Variants in TRPM4 observed in about 807,000 individuals in gnomAD.
TRPM4 encodes calcium-activated non-selective cation channel 1.
In TRPM4, 124 loss-of-function variants were observed where a neutral mutation model predicts 135.6. That is an observed-to-expected ratio of 0.91 (90% CI 0.79 to 1.06). TRPM4 has a LOEUF of 1.06. Ranked by LOEUF, TRPM4 falls within the 50% of genes least tolerant of loss-of-function variation. TRPM4 has a pLI of 0.00. For missense variants in TRPM4, 1,658 were observed against 1,671.4 expected (o/e 0.99, Z 0.14); for synonymous variants, 745 against 705.6 (o/e 1.06, Z -0.88).
chr19:49,200,758 G>C lies in TRPM4; in HGVS notation c.2926G>C (p.Gly976Arg). 6.2e-7 allele frequency: 1 copy of C among 1,614,002 alleles called. No homozygotes were observed. Among genetic ancestry groups the C allele is most frequent in the East Asian group, 2.2e-5 (1 of 44,864 alleles). The change falls in exon 19 of 25, where the codon GGG becomes CGG. Residue 976 changes from glycine to arginine, a missense_variant. Around this residue, in one of 3 missense-constraint regions of TRPM4, gnomAD observed 1,412 missense variants for 1,408.7 expected, o/e 1.00. Transcript: ENST00000252826. ...VFYRPYLQIFGQIPQEDMDVA... is the reference protein window; with the variant it reads ...VFYRPYLQIFRQIPQEDMDVA... The stretch of plus-strand genomic sequence containing the variant: ...CTACCGTCCCTACCTGCAGATCTTC[G>C]GGCAGATTCCCCAGGAGGACATGGA...
chr19:49,164,963 G>T (rs1052492960), intron 2 of TRPM4, among the ~76,000 whole-genome samples: 1 of 148,714 alleles, frequency 6.7e-6, no homozygotes, highest in Non-Finnish European at 1.5e-5. Flanking sequence ...AGCTGGTCTC[G>T]AACTCCTGGG....
chr19:49,161,086 G>T lies in TRPM4; in HGVS notation c.92+2827G>T, dbSNP rs548712986. Reference sequence around the variant, plus strand: ...TCTGTGCATATGAGCGGCCTAGGGGGACCGAGGGGCATGTGGGGACTGAGA... The same window carrying T: ...TCTGTGCATATGAGCGGCCTAGGGGTACCGAGGGGCATGTGGGGACTGAGA... On this transcript the variant is annotated intron_variant, in intron 2 of 24. Coordinates refer to ENST00000252826, the MANE Select transcript of TRPM4 (RefSeq NM_017636.4). 9.2e-5 allele frequency among the ~76,000 whole-genome samples: 14 copies of T among 152,122 alleles called. No individual in the cohort carries two copies. The South Asian group carries it at 2.9e-3, about 32-fold the overall frequency.
At chr19:49,191,907 G>GT (rs1465325887) in intron 16 of TRPM4, among the ~76,000 whole-genome samples, 1 of 152,174 alleles carries the variant, frequency 6.6e-6, no homozygotes, top group Non-Finnish European at 1.5e-5. Context: ...CCAAGCTCAA[G>GT]ACTTGGCTCA....
rs531754573 is a variant in TRPM4, at chr19:49,198,538, C to G, written c.2645+1664C>G. Among the ~76,000 whole-genome samples the G allele has an allele frequency of 6.6e-5, 10 of 151,178 alleles. No homozygotes were observed. The East Asian group carries it at 2.0e-3, about 30-fold the overall frequency. ...TGGCAGGCGCCTGTAATCCCAGCTA[C>G]TCGGGAGGCTGAGGCAGGATAATTG... On this transcript the variant is annotated intron_variant, in intron 17 of 24. Coordinates refer to ENST00000252826, the MANE Select transcript of TRPM4 (RefSeq NM_017636.4).
intron 9 of TRPM4, among the ~76,000 whole-genome samples, chr19:49,176,124 A>AT (rs900914238): frequency 1.4e-5 from 2 of 142,804 alleles, no homozygotes; most frequent in African/African-American, 5.3e-5. Flanking sequence ...GGGTTTCGCC[A>AT]TGTTGGCCAG....
chr19:49,182,684 C>G lies in TRPM4; in HGVS notation c.1370C>G (p.Pro457Arg), dbSNP rs569706538. The G allele has an allele frequency of 2.5e-6, 4 of 1,614,226 alleles. No homozygotes were observed. Among genetic ancestry groups the G allele is most frequent in the East Asian group, 2.2e-5 (1 of 44,882 alleles). Residue 457 changes from proline (P) to arginine (R), a missense_variant, in exon 11 of 25, where the codon CCG becomes CGG. Transcript: ENST00000252826. ...HGLSLGHFLT[P>R]MRLAQLYSAA... Reference sequence around the variant, plus strand: ...CTCAGCCTGGGCCACTTCCTGACCCCGATGCGCCTGGCCCAACTCTACAGC... The same window carrying G: ...CTCAGCCTGGGCCACTTCCTGACCCGGATGCGCCTGGCCCAACTCTACAGC...
chr19:49,181,364 A>T lies in TRPM4; in HGVS notation c.1166A>T (p.Glu389Val), dbSNP rs1165201856. The T allele has an allele frequency of 6.2e-7, 1 of 1,613,642 alleles. No individual in the cohort carries two copies. The highest frequency in any genetic ancestry group is 1.7e-5 in the Admixed American group (1 of 59,966). ...KALVKACGSS[E>V]ASAYLDELRL... ...ATCCTTCCAGCCTGTGGGAGCTCGG[A>T]GGCCTCAGCCTACCTGGATGAGCTG... The change falls in exon 10 of 25, where the codon GAG becomes GTG. Residue 389 changes from glutamate to valine, a missense_variant. This residue lies in a region of TRPM4 where 1,412 missense variants were observed against 1,408.7 expected (regional missense o/e 1.00). Coordinates refer to ENST00000252826, the MANE Select transcript of TRPM4 (RefSeq NM_017636.4).
chr19:49,180,357 T>C (rs1967866591), intron 9 of TRPM4, among the ~76,000 whole-genome samples: 1 of 151,786 alleles, frequency 6.6e-6, no homozygotes, highest in Non-Finnish European at 1.5e-5. Flanking sequence ...TTTCTGCTGT[T>C]GTCACCTCTT....
rs772919482 is a variant in TRPM4, at chr19:49,211,077, TGGAGCGGGAG to T, written c.3526_3534+1del. On this transcript the variant is annotated frameshift_variant and splice_region_variant, in exon 23 of 25. Coordinates refer to ENST00000252826, the MANE Select transcript of TRPM4 (RefSeq NM_017636.4). LOFTEE classifies it high-confidence loss of function. The surrounding 1 kb of genome is among the most constrained non-coding windows in gnomAD (Gnocchi z 4.8). ...GAGTACGAACAGCGCCTGAAAGTGCTGGAGCGGGAGGTGAGGCCTTGGGGCCTGGCTGGGG... is the reference window on the plus strand; with the variant it reads ...GAGTACGAACAGCGCCTGAAAGTGCTGTGAGGCCTTGGGGCCTGGCTGGGG... The T allele has an allele frequency of 6.2e-7, 1 of 1,614,082 alleles. No homozygotes were observed.
At position 49,181,478 on chromosome 19, in the gene TRPM4, TG is replaced by T; in HGVS notation, c.1263+22del. 1 of 1,545,044 alleles carries T rather than the reference TG, an allele frequency of 6.5e-7. No homozygotes were observed. On this transcript the variant is annotated intron_variant, in intron 10 of 24. Transcript: ENST00000252826. ...CAATGGCGGGTGAGGGGTCAGGGCC[TG>T]GGGGTTGGGCATACTGACAAAGGGA...
chr19:49,186,628 T>C (rs1438787790), intron 12 of TRPM4, among the ~76,000 whole-genome samples: 1 of 152,100 alleles, frequency 6.6e-6, no homozygotes, highest in Non-Finnish European at 1.5e-5. Flanking sequence ...TCCCAGCACT[T>C]TGGGAGGCCG....
chr19:49,188,537 C>T, intron 12 of TRPM4, 104 bp from the exon 13 acceptor site: 1 of 1,518,140 alleles, frequency 6.6e-7, no homozygotes, highest in South Asian at 1.1e-5. Flanking sequence ...TCTGATGACC[C>T]CAGTTAGTTT....
At position 49,211,515 on chromosome 19, in the gene TRPM4, T is replaced by C; in HGVS notation, c.*17T>C. Reference sequence around the variant, plus strand: ...CCAGACTGAGCCCTGCTGGCGGACTTCAAGGAGAAGCCCCCACAGGGGATT... The same window carrying C: ...CCAGACTGAGCCCTGCTGGCGGACTCCAAGGAGAAGCCCCCACAGGGGATT... On this transcript the variant is annotated 3_prime_UTR_variant, in exon 25 of 25. Transcript: ENST00000252826. The surrounding 1 kb of genome is among the most constrained non-coding windows in gnomAD (Gnocchi z 4.8). The C allele has an allele frequency of 1.2e-6, 2 of 1,614,052 alleles. No individual in the cohort carries two copies. Among genetic ancestry groups the C allele is most frequent in the Non-Finnish European group, 1.7e-6 (2 of 1,180,032 alleles).
intron 10 of TRPM4, 150 bp from the exon 11 acceptor site, chr19:49,182,428 C>G: frequency 1.4e-6 from 1 of 708,868 alleles, no homozygotes; most frequent in South Asian, 1.6e-5. Flanking sequence ...ATCCATCTAC[C>G]TATCCATTCA....
At chr19:49,197,473 C>CCTTCCTTCCT (rs1968735724) in intron 17 of TRPM4, among the ~76,000 whole-genome samples, 9 of 114,856 alleles carry the variant, frequency 7.8e-5, no homozygotes, top group Non-Finnish European at 1.4e-4. Context: ...GCCTCCCTCC[C>CCTTCCTTCCT]TCCTTCCTTC....
chr19:49,168,719 A>G lies in TRPM4; in HGVS notation c.779A>G (p.Gln260Arg), dbSNP rs1425585197. Residue 260 changes from glutamine to arginine, a missense_variant, in exon 6 of 25, where the codon CAG (glutamine) becomes CGG (arginine). Gln to Arg is a conservative substitution (Grantham distance 43). This residue lies in a region of TRPM4 where 1,412 missense variants were observed against 1,408.7 expected (regional missense o/e 1.00). Transcript: ENST00000252826. Reference protein sequence around the residue: ...RLRLESYISQQKTGVGGTGID... With the variant: ...RLRLESYISQRKTGVGGTGID... ...CGCCTGGAGTCCTACATCTCACAGC[A>G]GAAGACGGGCGTGGGAGGTGAGTGG... 2 of 1,595,454 alleles carry G rather than the reference A, an allele frequency of 1.3e-6. No individual in the cohort carries two copies. The highest frequency in any genetic ancestry group is 2.7e-5 in the African/African-American group (2 of 74,632).
In TRPM4 at chr19:49,211,261, G is replaced by C; in HGVS notation, c.3632G>C (p.Gly1211Ala). 2 of 1,582,022 alleles carry C rather than the reference G, an allele frequency of 1.3e-6. No homozygotes were observed. The highest frequency in any genetic ancestry group is 2.3e-5 in the South Asian group (2 of 87,642). The change falls in exon 24 of 25, where the codon GGG becomes GCG. Residue 1211 changes from glycine (G) to alanine (A), a missense_variant. This residue lies in a region of TRPM4 where 1,412 missense variants were observed against 1,408.7 expected (regional missense o/e 1.00). Coordinates refer to ENST00000252826, the MANE Select transcript of TRPM4 (RefSeq NM_017636.4). The surrounding 1 kb of genome is among the most constrained non-coding windows in gnomAD (Gnocchi z 4.8). ...PGGPPPPDLPGSKD is the reference protein window; with the variant it reads ...PGGPPPPDLPASKD ...GGGCCGCCACCCCCTGACCTGCCTG[G>C]GTCCAAAGGTCAGTGTGTAGCATCA...
chr19:49,183,121 A>T lies in TRPM4; in HGVS notation c.1652A>T (p.Asp551Val), dbSNP rs1428548803. ...SDKATSPLSL[D>V]AGLGQAPWSD... Reference sequence around the variant, plus strand: ...AAGGCCACCTCGCCGCTCTCGCTGGATGCTGGCCTCGGGCAGGCCCCCTGG... The same window carrying T: ...AAGGCCACCTCGCCGCTCTCGCTGGTTGCTGGCCTCGGGCAGGCCCCCTGG... Residue 551 changes from aspartate to valine, a missense_variant, in exon 12 of 25, where the codon GAT (aspartate) becomes GTT (valine). By Grantham distance (152) the Asp-to-Val change is radical. Coordinates refer to ENST00000252826, the MANE Select transcript of TRPM4 (RefSeq NM_017636.4). 1.2e-6 allele frequency: 2 copies of T among 1,613,670 alleles called. No homozygotes were observed.
chr19:49,182,454 ATCC>A (rs1968008514), intron 10 of TRPM4, 121 bp from the exon 11 acceptor site: 3 of 91,516 alleles, frequency 3.3e-5, no homozygotes, highest in Non-Finnish European at 2.7e-5. Flanking sequence ...CCATCCACCC[ATCC>A]ATCCATCCAT....
Sources: gnomAD v4.1 joint callset for allele counts (sites outside exome capture counted in the v4.1 genomes callset) on GRCh38, gnomAD v4.1.1 for gene constraint, gnomAD v4.1.1 regional missense constraint, Gnocchi (gnomAD v3.1) non-coding constraint, MANE v1.5 for transcripts, NCBI Gene and HGNC (gene_info 2026-07-23, HGNC 2026-07-21) for gene names.